The following TJP1 variants were observed in gnomAD, a reference collection of about 807,000 sequenced individuals.
TJP1 encodes the protein tight junction protein 1, also known as tight junction protein ZO-1.
In TJP1, 43 loss-of-function variants were observed where a neutral mutation model predicts 194.2. That is an observed-to-expected ratio of 0.22 (90% CI 0.17 to 0.29). TJP1 has a LOEUF of 0.29. Ranked by LOEUF, TJP1 falls within the 10% of genes least tolerant of loss-of-function variation. The pLI is 1.00. For missense variants in TJP1, 1,971 were observed against 2,185.7 expected, an observed-to-expected ratio of 0.90 and a Z score of 1.96; for synonymous variants, 801 against 779.0, an observed-to-expected ratio of 1.03 and a Z score of -0.47.
chr15:29,784,564 T>C (rs2047578003), intron 2 of TJP1, among the ~76,000 whole-genome samples: 1 of 152,040 alleles, frequency 6.6e-6, no homozygotes, highest in Non-Finnish European at 1.5e-5. Context: ...GCTTCCAAAG[T>C]GTTGGGATTA....
chr15:29,822,043 G>A lies in TJP1; in HGVS notation c.-15C>T. On this transcript the variant is annotated 5_prime_UTR_variant, in exon 1 of 28. Transcript: ENST00000614355. The stretch of plus-strand genomic sequence containing the variant: ...CTGGCGGACATCTTGTCTCTCTCCA[G>A]CGCCGCGCGAGGCTCCTCGGACCCG... 1.5e-6 allele frequency: 2 copies of A among 1,318,984 alleles called. No homozygotes were observed. Among genetic ancestry groups the A allele is most frequent in the Non-Finnish European group, 9.7e-7 (1 of 1,033,046 alleles). The allele number at this position is 1,318,984 out of a possible 1,614,324, so 81.7% of individuals were successfully genotyped here. A position where few individuals can be genotyped will look rare whatever the true frequency, so the allele number is the denominator to read the frequency against.
At chr15:29,731,054 T>G in intron 15 of TJP1, 1 of 880,590 alleles carries the variant, frequency 1.1e-6, no homozygotes, top group Non-Finnish European at 1.9e-6. Flanking sequence ...TATCAAGTTT[T>G]ATAAAAATGC....
At chr15:29,891,682 C>T (rs982404486) in intron 2 of TJP1, among the ~76,000 whole-genome samples, 2 of 152,158 alleles carry the variant, frequency 1.3e-5, no homozygotes, top group African/African-American at 4.8e-5. Context: ...TGATCAGCAA[C>T]ATTTGATGTT....
At chr15:29,884,159 C>G (rs2053034204) in intron 2 of TJP1, among the ~76,000 whole-genome samples, 2 of 152,130 alleles carry the variant, frequency 1.3e-5, no homozygotes, top group Admixed American at 1.3e-4. Flanking sequence ...CTGTGTTGAA[C>G]TCACAATAGA....
chr15:29,809,847 T>TA (rs111981690), intron 1 of TJP1, among the ~76,000 whole-genome samples: 30,684 of 145,368 alleles, frequency 0.21, 3,984 homozygotes, highest in Non-Finnish European at 0.31. Flanking sequence ...AACTCCGTCT[T>TA]AAAAAAAAAA....
At chr15:29,843,660 A>G (rs2051309092) in intron 2 of TJP1, among the ~76,000 whole-genome samples, 1 of 152,232 alleles carries the variant, frequency 6.6e-6, no homozygotes, top group Non-Finnish European at 1.5e-5. Context: ...GACAACAAAT[A>G]AAACAAATAA....
intron 1 of TJP1, among the ~76,000 whole-genome samples, chr15:29,807,707 A>G (rs1174182917): frequency 6.6e-6 from 1 of 152,214 alleles, no homozygotes; most frequent in Non-Finnish European, 1.5e-5. Flanking sequence ...GAACATAACT[A>G]TATTACAGAT....
At chr15:29,730,268 A>G (rs2043538230) in intron 15 of TJP1, among the ~76,000 whole-genome samples, 1 of 152,120 alleles carries the variant, frequency 6.6e-6, no homozygotes, top group South Asian at 2.1e-4. Flanking sequence ...TGGCACTTTT[A>G]TAATTACAAA....
intron 2 of TJP1, among the ~76,000 whole-genome samples, chr15:29,776,219 G>A (rs2047005966): frequency 6.6e-6 from 1 of 152,036 alleles, no homozygotes; most frequent in Non-Finnish European, 1.5e-5. Context: ...AGGAATGCAG[G>A]ATTAGTAGGA....
At chr15:29,870,776 C>T (rs1327395347) in intron 2 of TJP1, among the ~76,000 whole-genome samples, 1 of 152,214 alleles carries the variant, frequency 6.6e-6, no homozygotes, top group Non-Finnish European at 1.5e-5. Flanking sequence ...TCCCAGGAGC[C>T]TGCTGCGAAA....
At chr15:29,805,301 C>T (rs1318261115) in intron 1 of TJP1, among the ~76,000 whole-genome samples, 2 of 152,222 alleles carry the variant, frequency 1.3e-5, no homozygotes, top group African/African-American at 4.8e-5. Context: ...AACTTCAGAT[C>T]CCAGTTCTAG....
chr15:29,788,134 T>C (rs1315120857), intron 2 of TJP1, among the ~76,000 whole-genome samples: 1 of 152,212 alleles, frequency 6.6e-6, no homozygotes, highest in Non-Finnish European at 1.5e-5. Context: ...TCTATTCAAA[T>C]CATTTGCTAT....
chr15:29,718,035 G>A lies in TJP1; in HGVS notation c.3960C>T (p.Asp1320=), dbSNP rs2042675563. The change falls in exon 22 of 28, where the codon GAC becomes GAT. Residue 1320 remains aspartate, a synonymous_variant. Transcript: ENST00000614355. The part of the protein sequence containing the change: ...PTSQNQFSEH[D]KTLYRIPEPQ... ...AGTGTACTCACCTGTACAGAGTTTT[G>A]TCATGTTCACTGAATTGATTCTGAG... 6.2e-7 allele frequency: 1 copy of A among 1,611,052 alleles called. No homozygotes were observed. The highest frequency in any genetic ancestry group is 1.3e-5 in the African/African-American group (1 of 74,170).
intron 2 of TJP1, among the ~76,000 whole-genome samples, chr15:29,862,918 G>A (rs1252760373): frequency 2.6e-5 from 4 of 151,552 alleles, no homozygotes; most frequent in African/African-American, 7.3e-5. Context: ...AAAGTACTGG[G>A]ATTACAGGCG....
chr15:29,946,470 G>C (rs1354300528), intron 2 of TJP1, among the ~76,000 whole-genome samples: 1 of 152,228 alleles, frequency 6.6e-6, no homozygotes, highest in Non-Finnish European at 1.5e-5. Flanking sequence ...AACATGCCCA[G>C]GCCAGCAAGG....
intron 8 of TJP1, among the ~76,000 whole-genome samples, chr15:29,754,209 A>G (rs1259421055): frequency 6.6e-6 from 1 of 152,230 alleles, no homozygotes; most frequent in African/African-American, 2.4e-5. Flanking sequence ...AAAAAAGAAC[A>G]TGTCTTTTGC....
chr15:29,891,428 G>C (rs1193334791), intron 2 of TJP1, among the ~76,000 whole-genome samples: 2 of 152,188 alleles, frequency 1.3e-5, no homozygotes, highest in Non-Finnish European at 2.9e-5. Context: ...ATGGTAGTTT[G>C]TCTTTCTATT....
intron 2 of TJP1, among the ~76,000 whole-genome samples, chr15:29,774,221 G>C (rs2046870455): frequency 6.6e-6 from 1 of 151,962 alleles, no homozygotes. Context: ...TCCTCCCTCA[G>C]CTTTCCAGTC....
intron 1 of TJP1, chr15:29,968,341 C>T: frequency 1.0e-6 from 1 of 985,422 alleles, no homozygotes; most frequent in Non-Finnish European, 1.2e-6. Context: ...CGTAATGGAG[C>T]AGAAAGGACA....
Sources: gnomAD v4.1 joint callset for allele counts (sites outside exome capture counted in the v4.1 genomes callset) on GRCh38, gnomAD v4.1.1 for gene constraint, MANE v1.5 for transcripts, NCBI Gene and HGNC (gene_info 2026-07-23, HGNC 2026-07-21) for gene names.